SLC7A1: variants seen among roughly 807,000 people sequenced by gnomAD.
SLC7A1 encodes high affinity cationic amino acid transporter 1.
In SLC7A1, 10 loss-of-function variants were observed where a neutral mutation model predicts 53.9. That is an observed-to-expected ratio of 0.19 (90% CI 0.11 to 0.31). The LOEUF is 0.31. Ranked by LOEUF, SLC7A1 falls within the 10% of genes least tolerant of loss-of-function variation. The probability of loss-of-function intolerance (pLI) is 1.00; values close to 1 mark genes in which losing one functional copy is unlikely to be tolerated. For synonymous variants in SLC7A1, 342 were observed against 338.7 expected (o/e 1.01, Z -0.11); for missense variants, 525 against 827.2 (o/e 0.63, Z 4.48).
At chr13:29,523,776 G>A (rs949344101) in intron 6 of SLC7A1, among the ~76,000 whole-genome samples, 6 of 152,198 alleles carry the variant, frequency 3.9e-5, no homozygotes, top group African/African-American at 1.4e-4. Flanking sequence ...GAAAATCTGG[G>A]AGGCTCACTG....
chr13:29,542,552 A>G (rs1869713304), intron 2 of SLC7A1, among the ~76,000 whole-genome samples: 1 of 152,034 alleles, frequency 6.6e-6, no homozygotes. Flanking sequence ...GCACTGTGGT[A>G]TGCATCTGTG....
chr13:29,523,155 A>G, intron 7 of SLC7A1, 111 bp downstream of exon 7: 1 of 882,382 alleles, frequency 1.1e-6, no homozygotes. Flanking sequence ...TCAAGGGTAA[A>G]GAATGCTGGC....
At chr13:29,514,982 A>G (rs1334618833) in intron 12 of SLC7A1, among the ~76,000 whole-genome samples, 1 of 152,186 alleles carries the variant, frequency 6.6e-6, no homozygotes, top group Non-Finnish European at 1.5e-5. Context: ...CCAGGCTCTC[A>G]GCCTGGACAG....
intron 1 of SLC7A1, among the ~76,000 whole-genome samples, chr13:29,582,005 C>T (rs1010169970): frequency 6.6e-6 from 1 of 152,252 alleles, no homozygotes; most frequent in Non-Finnish European, 1.5e-5. Context: ...AATTGCAACT[C>T]ATGTTTATTG....
chr13:29,523,959 A>G (rs1868758498), intron 6 of SLC7A1, among the ~76,000 whole-genome samples, 173 bp downstream of exon 6: 1 of 152,082 alleles, frequency 6.6e-6, no homozygotes, highest in Non-Finnish European at 1.5e-5. Context: ...ACAGTTGGGG[A>G]TGTGATAATG....
chr13:29,516,082 G>T, intron 12 of SLC7A1, 56 bp downstream of exon 12: 1 of 1,065,200 alleles, frequency 9.4e-7, no homozygotes, highest in East Asian at 2.4e-5. Context: ...TCTGAAACAA[G>T]GGAGACCCCC....
At chr13:29,517,857 T>C in intron 9 of SLC7A1, 67 bp from the exon 10 acceptor site, 1 of 1,292,954 alleles carries the variant, frequency 7.7e-7, no homozygotes, top group Non-Finnish European at 1.1e-6. Flanking sequence ...CCAACTCAAG[T>C]TCTCAATAAG....
intron 2 of SLC7A1, among the ~76,000 whole-genome samples, chr13:29,548,085 C>A (rs538533935): frequency 2.0e-5 from 3 of 152,338 alleles, no homozygotes; most frequent in Admixed American, 6.5e-5. Flanking sequence ...GGAAGTGTAA[C>A]AGGCAGACCT....
chr13:29,555,328 AGCCTGGGCGACAGAG>A (rs1363899939), intron 1 of SLC7A1, among the ~76,000 whole-genome samples: 1 of 107,912 alleles, frequency 9.3e-6, no homozygotes, highest in East Asian at 3.2e-4. Flanking sequence ...ACTGCACTCC[AGCCTGGGCGACAGAG>A]CGAGACTCCG....
chr13:29,517,228 C>T lies in SLC7A1; in HGVS notation c.1593G>A (p.Leu531=). The change falls in exon 11 of 13, where the codon CTG becomes CTA. Residue 531 remains leucine (L), a synonymous_variant. Coordinates refer to ENST00000380752, the MANE Select transcript of SLC7A1 (RefSeq NM_003045.5). ...CACAGAGGAGGGCAGACCCTGCGAGCAGAAAGACTGCCCACAGCGCCCCTT... is the reference window on the plus strand; with the variant it reads ...CACAGAGGAGGGCAGACCCTGCGAGTAGAAAGACTGCCCACAGCGCCCCTT... ...LTKGALWAVF[L]LAGSALLCAV... is the part of the protein sequence containing the mutation. 1 of 1,613,380 alleles carries T rather than the reference C, an allele frequency of 6.2e-7. No homozygotes were observed. The highest frequency in any genetic ancestry group is 8.5e-7 in the Non-Finnish European group (1 of 1,179,720).
chr13:29,579,211 C>G (rs1283490320), intron 1 of SLC7A1, among the ~76,000 whole-genome samples: 1 of 152,176 alleles, frequency 6.6e-6, no homozygotes, highest in Non-Finnish European at 1.5e-5. Context: ...GGCTTCCTCC[C>G]TGGTGAGATA....
chr13:29,536,699 T>A (rs1464470865), intron 2 of SLC7A1, among the ~76,000 whole-genome samples: 1 of 152,248 alleles, frequency 6.6e-6, no homozygotes, highest in Non-Finnish European at 1.5e-5. Context: ...AATGTTTTTC[T>A]AGATCTTTCT....
At chr13:29,545,935 G>A (rs985158756) in intron 2 of SLC7A1, among the ~76,000 whole-genome samples, 1 of 152,238 alleles carries the variant, frequency 6.6e-6, no homozygotes, top group African/African-American at 2.4e-5. Context: ...GATGTCTTTC[G>A]ATGTGTTTCC....
intron 1 of SLC7A1, among the ~76,000 whole-genome samples, chr13:29,594,754 G>A (rs1373771794): frequency 2.0e-5 from 3 of 152,198 alleles, no homozygotes; most frequent in Admixed American, 1.3e-4. Flanking sequence ...AAGCAATCTT[G>A]GGGACCCAGA....
At chr13:29,518,583 A>C (rs927067885) in intron 9 of SLC7A1, among the ~76,000 whole-genome samples, 9 of 152,176 alleles carry the variant, frequency 5.9e-5, no homozygotes, top group Non-Finnish European at 8.8e-5. Context: ...ACCTCAGAGA[A>C]TATTCTAGCA....
At chr13:29,553,081 A>C (rs1008133302) in intron 2 of SLC7A1, among the ~76,000 whole-genome samples, 1 of 152,206 alleles carries the variant, frequency 6.6e-6, no homozygotes, top group African/African-American at 2.4e-5. Context: ...GCTGCAAGGA[A>C]CAGCCTGAAA....
Position 29,583,918 on chromosome 13 carries a change from TAAAA to T in SLC7A1, c.-115+11494_-115+11497del, listed in dbSNP as rs950639684. Among the ~76,000 whole-genome samples the T allele has an allele frequency of 2.0e-5, 3 of 152,066 alleles. No homozygotes were observed. In the South Asian group the frequency reaches 6.2e-4, roughly 32 times the overall value. ...AAAAGAAATGTCTTCCAACAAAAGT[TAAAA>T]AAACAAACAAACAAACAAAAAACCT... On this transcript the variant is annotated intron_variant, in intron 1 of 12. Coordinates refer to ENST00000380752, the MANE Select transcript of SLC7A1 (RefSeq NM_003045.5).
chr13:29,581,709 C>T (rs1228597334), intron 1 of SLC7A1, among the ~76,000 whole-genome samples: 1 of 152,180 alleles, frequency 6.6e-6, no homozygotes, highest in African/African-American at 2.4e-5. Flanking sequence ...TGAGGCACAC[C>T]CCCAAGACAG....
chr13:29,538,402 G>A (rs1454100982), intron 2 of SLC7A1, among the ~76,000 whole-genome samples: 9 of 152,222 alleles, frequency 5.9e-5, no homozygotes, highest in African/African-American at 1.9e-4. Context: ...AGAAGAGCAA[G>A]CAGAGAGATG....
Sources: allele counts gnomAD v4.1 joint callset (sites outside exome capture counted in the v4.1 genomes callset), GRCh38; gene constraint gnomAD v4.1.1; transcripts MANE v1.5; gene names NCBI Gene and HGNC (gene_info 2026-07-23, HGNC 2026-07-21).